MICAL2: variants seen among roughly 807,000 people sequenced by gnomAD.
The protein encoded by MICAL2 is [F-actin]-monooxygenase MICAL2.
In MICAL2, 77 loss-of-function variants were observed where a neutral mutation model predicts 127.3. The observed-to-expected ratio is 0.60, with a 90% CI of 0.50 to 0.73. The LOEUF is 0.73. MICAL2 is among the 30% of genes least tolerant of loss of function. MICAL2 has a pLI of 0.00. For missense variants in MICAL2, 1,351 were observed against 1,434.4 expected, an observed-to-expected ratio of 0.94 and a Z score of 0.94; for synonymous variants, 570 against 551.1, an observed-to-expected ratio of 1.03 and a Z score of -0.48.
chr11:12,346,907 A>T (rs1382773271), intron 32 of MICAL2, among the ~76,000 whole-genome samples: 2 of 152,018 alleles, frequency 1.3e-5, no homozygotes, highest in Non-Finnish European at 2.9e-5. Context: ...TCCCTTTCTC[A>T]CTTTAGTCCT....
intron 14 of MICAL2, 143 bp downstream of exon 14, chr11:12,226,513 C>G: frequency 1.4e-6 from 1 of 721,510 alleles, no homozygotes; most frequent in Non-Finnish European, 2.3e-6. Context: ...ACAGGGGTGA[C>G]TCCACTCACC....
intron 33 of MICAL2, among the ~76,000 whole-genome samples, chr11:12,351,712 G>A (rs537731207): frequency 2.0e-5 from 3 of 152,212 alleles, no homozygotes; most frequent in African/African-American, 7.2e-5. Flanking sequence ...CATTCATTGA[G>A]TTCCATTGAC....
At chr11:12,234,568 G>A (rs886635444) in intron 15 of MICAL2, among the ~76,000 whole-genome samples, 1 of 152,250 alleles carries the variant, frequency 6.6e-6, no homozygotes, top group African/African-American at 2.4e-5. Flanking sequence ...TGAGGAAAAC[G>A]TTCAAGAGAA....
At chr11:12,318,025 G>T (rs1049561579) in intron 29 of MICAL2, among the ~76,000 whole-genome samples, 4 of 152,156 alleles carry the variant, frequency 2.6e-5, no homozygotes, top group African/African-American at 9.7e-5. Context: ...AGGCTAAATA[G>T]GCAGTTTTCT....
At chr11:12,266,980 C>G (rs1275077716), downstream of MICAL2, among the ~76,000 whole-genome samples, 1 of 152,258 alleles carries the variant, frequency 6.6e-6, no homozygotes, top group Non-Finnish European at 1.5e-5. Context: ...TCTCGATTAA[C>G]TGGGGCTCAG....
downstream of MICAL2, chr11:12,293,991 A>G (rs746201649): frequency 1.9e-6 from 3 of 1,614,232 alleles, no homozygotes; most frequent in Non-Finnish European, 2.5e-6. Flanking sequence ...ACTCAGGAGC[A>G]GAAGACCATG....
In MICAL2 at chr11:12,220,251, C is replaced by T; in HGVS notation, c.999C>T (p.Asp333=). ...TGTGTGCGGAGAACGTGAACCAAGA[C>T]AACCTGCTATCCTATGCCCGGGAAG... ...MLLCAENVNQ[D]NLLSYAREAA... Residue 333 remains aspartate, a synonymous_variant, in exon 9 of 28, where the codon GAC becomes GAT. Coordinates refer to ENST00000683283, the MANE Select transcript of MICAL2 (RefSeq NM_001282663.2). 6.2e-7 allele frequency: 1 copy of T among 1,614,224 alleles called. No homozygotes were observed. Among genetic ancestry groups the T allele is most frequent in the East Asian group, 2.2e-5 (1 of 44,882 alleles).
intron 1 of MICAL2, among the ~76,000 whole-genome samples, chr11:12,115,703 A>G (rs1475899088): frequency 6.6e-6 from 1 of 152,062 alleles, no homozygotes; most frequent in Non-Finnish European, 1.5e-5. Flanking sequence ...CTTTTCCTTT[A>G]TCTTTTGCTT....
chr11:12,247,463 G>A (rs942213824), intron 21 of MICAL2, among the ~76,000 whole-genome samples: 1 of 152,192 alleles, frequency 6.6e-6, no homozygotes, highest in Non-Finnish European at 1.5e-5. Flanking sequence ...AATGATGGAG[G>A]ACCTCTTAGA....
chr11:12,214,500 G>C (rs1326214756), intron 7 of MICAL2, among the ~76,000 whole-genome samples: 2 of 152,126 alleles, frequency 1.3e-5, no homozygotes, highest in African/African-American at 2.4e-5. Context: ...CACTTTTAGG[G>C]GCTGTGGAAT....
At chr11:12,285,354 A>G (rs928738821) in intron 2 of MICAL2, among the ~76,000 whole-genome samples, 2 of 152,242 alleles carry the variant, frequency 1.3e-5, no homozygotes, top group African/African-American at 2.4e-5. Context: ...TTCCAGCTGC[A>G]TGACTCTTAA....
chr11:12,330,567 G>C (rs533671220), intron 32 of MICAL2, among the ~76,000 whole-genome samples: 1 of 152,182 alleles, frequency 6.6e-6, no homozygotes, highest in East Asian at 1.9e-4. Context: ...CGGGGGTGCG[G>C]GATGGAGGGC....
intron 3 of MICAL2, 32 bp downstream of exon 3, chr11:12,162,451 C>T: frequency 6.2e-7 from 1 of 1,609,890 alleles, no homozygotes; most frequent in Non-Finnish European, 8.5e-7. Flanking sequence ...CTTACCTTTG[C>T]AGGGCGTGTG....
downstream of MICAL2, among the ~76,000 whole-genome samples, chr11:12,361,464 T>C (rs1263276172): frequency 2.0e-5 from 3 of 152,182 alleles, no homozygotes; most frequent in East Asian, 5.8e-4. Flanking sequence ...ATCAACCTAT[T>C]CTACTCACGT....
At chr11:12,291,812 G>C (rs1258095846), downstream of MICAL2, among the ~76,000 whole-genome samples, 1 of 152,192 alleles carries the variant, frequency 6.6e-6, no homozygotes, top group Non-Finnish European at 1.5e-5. Context: ...AACCACAATG[G>C]TTTTAGGATG....
intron 2 of MICAL2, among the ~76,000 whole-genome samples, chr11:12,148,576 C>T (rs1403524041): frequency 6.6e-6 from 1 of 152,140 alleles, no homozygotes; most frequent in Non-Finnish European, 1.5e-5. Context: ...AAAGGGCAGC[C>T]ACACTCTAGC....
chr11:12,204,481 C>T (rs763394484), intron 4 of MICAL2, 24 bp downstream of exon 4: 3 of 1,608,664 alleles, frequency 1.9e-6, no homozygotes, highest in Non-Finnish European at 2.6e-6. Context: ...ATGGTGATAT[C>T]CCATGAAGGG....
chr11:12,321,244 A>G (rs528254297), intron 30 of MICAL2, among the ~76,000 whole-genome samples: 2 of 152,206 alleles, frequency 1.3e-5, no homozygotes, highest in South Asian at 4.2e-4. Flanking sequence ...CTCTTACACT[A>G]AGGGAAGCTG....
intron 29 of MICAL2, among the ~76,000 whole-genome samples, chr11:12,315,603 A>G (rs1357689209): frequency 6.6e-6 from 1 of 152,198 alleles, no homozygotes; most frequent in African/African-American, 2.4e-5. Flanking sequence ...TGGTCAGAGA[A>G]CATGGTTTTC....
Sources: gnomAD v4.1 joint callset for allele counts (sites outside exome capture counted in the v4.1 genomes callset) on GRCh38, gnomAD v4.1.1 for gene constraint, MANE v1.5 for transcripts, NCBI Gene and HGNC (gene_info 2026-07-23, HGNC 2026-07-21) for gene names.